Variants in MCC observed in about 807,000 individuals in gnomAD.
MCC encodes MCC regulator of Wnt signaling pathway.
MCC carries 90 observed loss-of-function variants against 116.2 expected under a neutral mutation model. The observed-to-expected ratio is 0.77, with a 90% confidence interval of 0.65 to 0.92. MCC has a LOEUF of 0.92. MCC is among the 40% of genes least tolerant of loss of function. The pLI is 0.00. For missense variants in MCC, 1,516 were observed against 1,312.2 expected (o/e 1.16, Z -2.40); for synonymous variants, 578 against 510.5 (o/e 1.13, Z -1.78).
At chr5:113,176,596 G>A (rs957522871) in intron 3 of MCC, among the ~76,000 whole-genome samples, 3 of 152,144 alleles carry the variant, frequency 2.0e-5, no homozygotes, top group Non-Finnish European at 4.4e-5. Context: ...GATGACACTT[G>A]ATGTGGCCCA....
At chr5:113,043,457 C>G (rs1751860765) in intron 17 of MCC, 73 bp downstream of exon 17, 3 of 1,328,036 alleles carry the variant, frequency 2.3e-6, no homozygotes, top group Non-Finnish European at 3.2e-6. Context: ...CTTTTGGGAG[C>G]AGCAAAGAGA....
chr5:113,046,198 AC>A (rs1406715852), intron 16 of MCC, among the ~76,000 whole-genome samples: 2 of 149,942 alleles, frequency 1.3e-5, no homozygotes, highest in African/African-American at 5.0e-5. Flanking sequence ...AAATTTTCTT[AC>A]TTTTTTTTTT....
intron 1 of MCC, among the ~76,000 whole-genome samples, chr5:113,459,398 C>T (rs142089330): frequency 0.015 from 2,344 of 151,630 alleles, 31 homozygotes; most frequent in Non-Finnish European, 0.024. Flanking sequence ...ATTGGCCGGG[C>T]GTGGTTGTGG....
chr5:113,336,785 A>C (rs1767880590), intron 3 of MCC, among the ~76,000 whole-genome samples: 2 of 152,236 alleles, frequency 1.3e-5, no homozygotes, highest in African/African-American at 4.8e-5. Context: ...TCTGTGTACA[A>C]CACTGTCTTG....
At chr5:113,454,768 C>G (rs1237867979) in intron 1 of MCC, among the ~76,000 whole-genome samples, 1 of 152,128 alleles carries the variant, frequency 6.6e-6, no homozygotes, top group Non-Finnish European at 1.5e-5. Flanking sequence ...TCAATGAATA[C>G]ACATATACAT....
rs561708497 is a variant in MCC, at chr5:113,118,352, G to A, written c.1027+4332C>T. ...AATGTGTGACGAGGTTTGATAAGAGGTAATTTTTTTAAAAAAAACATGCAG... is the reference window on the plus strand; with the variant it reads ...AATGTGTGACGAGGTTTGATAAGAGATAATTTTTTTAAAAAAAACATGCAG... On this transcript the variant is annotated intron_variant, in intron 6 of 18. Transcript: ENST00000408903. Among the ~76,000 whole-genome samples the A allele has an allele frequency of 1.2e-4, 19 of 152,034 alleles. 1 individual carries two copies. The highest frequency in any genetic ancestry group is 3.4e-3 in the Middle Eastern group (1 of 294).
chr5:113,290,867 T>C (rs960186003), intron 3 of MCC, among the ~76,000 whole-genome samples: 1 of 152,058 alleles, frequency 6.6e-6, no homozygotes, highest in Non-Finnish European at 1.5e-5. Context: ...AATCTCAATT[T>C]TAAAAAAAAA....
At chr5:113,473,599 T>C (rs146903379) in intron 1 of MCC, among the ~76,000 whole-genome samples, 1 of 152,304 alleles carries the variant, frequency 6.6e-6, no homozygotes, top group Non-Finnish European at 1.5e-5. Context: ...AACTTTTCAG[T>C]AACAACTATA....
chr5:113,265,929 CAA>C (rs768093353), intron 3 of MCC, among the ~76,000 whole-genome samples: 87 of 151,436 alleles, frequency 5.7e-4, no homozygotes, highest in Non-Finnish European at 1.2e-3. Context: ...TCTGAATAGA[CAA>C]TACCTTAAAT....
intron 1 of MCC, among the ~76,000 whole-genome samples, chr5:113,479,904 T>C (rs1015802985): frequency 1.3e-5 from 2 of 152,220 alleles, no homozygotes; most frequent in African/African-American, 4.8e-5. Context: ...CTTTCAAAAA[T>C]TGTGTTCCAG....
At chr5:113,191,740 C>A (rs184381042) in intron 3 of MCC, among the ~76,000 whole-genome samples, 1 of 152,150 alleles carries the variant, frequency 6.6e-6, no homozygotes, top group Non-Finnish European at 1.5e-5. Flanking sequence ...GTTAAAATGA[C>A]GCAATTGATT....
intron 5 of MCC, 24 bp downstream of exon 5, chr5:113,143,194 T>C (rs766899365): frequency 6.3e-7 from 1 of 1,576,176 alleles, no homozygotes; most frequent in Non-Finnish European, 8.6e-7. Context: ...AGGGGCAGAG[T>C]AAAAGCCGAA....
chr5:113,031,827 T>C (rs776327544), intron 17 of MCC, among the ~76,000 whole-genome samples: 42 of 151,974 alleles, frequency 2.8e-4, no homozygotes, highest in Non-Finnish European at 5.3e-4. Context: ...CAAAGGAGGA[T>C]AGAACCCCAG....
intron 5 of MCC, among the ~76,000 whole-genome samples, chr5:113,138,308 G>A (rs535920965): frequency 2.0e-5 from 3 of 152,314 alleles, no homozygotes; most frequent in African/African-American, 7.2e-5. Context: ...ACCACGCCTG[G>A]CCCACGCCAA....
intron 1 of MCC, among the ~76,000 whole-genome samples, chr5:113,411,878 T>A (rs994751658): frequency 1.3e-5 from 2 of 152,158 alleles, no homozygotes; most frequent in Non-Finnish European, 2.9e-5. Flanking sequence ...TTCCCTGGGT[T>A]TTCTTCTAGG....
At chr5:113,377,961 G>A (rs1187736001) in intron 2 of MCC, among the ~76,000 whole-genome samples, 1 of 152,124 alleles carries the variant, frequency 6.6e-6, no homozygotes, top group East Asian at 1.9e-4. Context: ...GGGGCTGAAG[G>A]CTATCGTGTG....
At chr5:113,283,564 A>T (rs1766135196) in intron 3 of MCC, among the ~76,000 whole-genome samples, 1 of 152,222 alleles carries the variant, frequency 6.6e-6, no homozygotes, top group African/African-American at 2.4e-5. Flanking sequence ...AAGGATGCTG[A>T]GAAATTTTAA....
intron 17 of MCC, among the ~76,000 whole-genome samples, chr5:113,030,860 G>T (rs1226008700): frequency 6.6e-6 from 1 of 152,194 alleles, no homozygotes; most frequent in African/African-American, 2.4e-5. Flanking sequence ...TCCTGAAGGG[G>T]GTTGATGGGA....
chr5:113,405,860 A>C (rs903477929), intron 1 of MCC, among the ~76,000 whole-genome samples: 2 of 152,138 alleles, frequency 1.3e-5, no homozygotes, highest in African/African-American at 2.4e-5. Flanking sequence ...AAAAATACTT[A>C]TTAATATTAT....
Sources: gnomAD v4.1 joint callset for allele counts (sites outside exome capture counted in the v4.1 genomes callset) on GRCh38, gnomAD v4.1.1 for gene constraint, MANE v1.5 for transcripts, NCBI Gene and HGNC (gene_info 2026-07-23, HGNC 2026-07-21) for gene names.